STX8: variants seen among roughly 807,000 people sequenced by gnomAD.
STX8 encodes syntaxin 8.
STX8 carries 23 observed loss-of-function variants against 37.5 expected under a neutral mutation model. The ratio of observed to expected loss-of-function variants is 0.61; its 90% CI spans 0.44 to 0.87. STX8 has a LOEUF of 0.87. Among genes scored for constraint, STX8 ranks in the 40% least tolerant of loss-of-function variants. The probability of loss-of-function intolerance (pLI) is 0.00; values close to 1 mark genes in which losing one functional copy is unlikely to be tolerated. For synonymous variants in STX8, 115 were observed against 99.1 expected, an observed-to-expected ratio of 1.16 and a Z score of -0.95; for missense variants, 313 against 284.7, an observed-to-expected ratio of 1.10 and a Z score of -0.71.
chr17:9,347,882 CATATA>C (rs1228906259), intron 7 of STX8, among the ~76,000 whole-genome samples: 1 of 152,186 alleles, frequency 6.6e-6, no homozygotes, highest in East Asian at 1.9e-4. Context: ...TAAATTAAAT[CATATA>C]ATATATAGCT....
chr17:9,506,435 G>C (rs1483955484), intron 4 of STX8, among the ~76,000 whole-genome samples: 1 of 51,954 alleles, frequency 1.9e-5, no homozygotes, highest in African/African-American at 8.1e-5. Flanking sequence ...ACCTTTCTTA[G>C]GAAAGGACTA....
chr17:9,480,155 A>G (rs985195464), intron 6 of STX8, among the ~76,000 whole-genome samples: 2 of 152,178 alleles, frequency 1.3e-5, no homozygotes, highest in African/African-American at 4.8e-5. Context: ...GTATCTGTCC[A>G]GCAGCTGCCT....
intron 7 of STX8, among the ~76,000 whole-genome samples, chr17:9,314,736 G>A (rs1173791501): frequency 6.6e-6 from 1 of 151,204 alleles, no homozygotes; most frequent in Middle Eastern, 3.2e-3. Flanking sequence ...TATATACCCT[G>A]AGGAATATCC....
chr17:9,441,095 A>G (rs1904632126), intron 6 of STX8, among the ~76,000 whole-genome samples: 1 of 152,174 alleles, frequency 6.6e-6, no homozygotes, highest in South Asian at 2.1e-4. Context: ...AGAGGCGTGA[A>G]GATGTACTCA....
intron 6 of STX8, among the ~76,000 whole-genome samples, chr17:9,398,161 G>T (rs1272674769): frequency 1.3e-5 from 2 of 152,158 alleles, no homozygotes; most frequent in African/African-American, 4.8e-5. Context: ...TCAAAGAACA[G>T]TGTGGAAATG....
At chr17:9,362,522 A>T (rs1911091426) in intron 7 of STX8, among the ~76,000 whole-genome samples, 1 of 152,038 alleles carries the variant, frequency 6.6e-6, no homozygotes, top group South Asian at 2.1e-4. Flanking sequence ...ATCTTCCATT[A>T]AAAATTCTCT....
rs144093918 is a variant in STX8 at position 9,287,603 on chromosome 17, G to A, written c.644-36958C>T. On this transcript the variant is annotated intron_variant, in intron 7 of 7. Coordinates refer to ENST00000306357, the MANE Select transcript of STX8 (RefSeq NM_004853.3). ...CTACAGGGCTCCTCTCAGCAGTGAT[G>A]GACTAAACAAAGACAAAAGAAATGC... 3.7e-4 allele frequency among the ~76,000 whole-genome samples: 57 copies of A among 152,222 alleles called. No homozygotes were observed. In the East Asian group the frequency reaches 9.8e-3, roughly 26 times the overall value.
intron 3 of STX8, chr17:9,556,766 T>TATATATATATATACATAC (rs1906985208): frequency 9.3e-5 from 3 of 32,316 alleles, no homozygotes; most frequent in African/African-American, 4.5e-4. Context: ...TATATATATA[T>TATATATATATATACATAC]ATATATATAT....
At chr17:9,380,254 GTT>G (rs34806016) in intron 6 of STX8, among the ~76,000 whole-genome samples, 952 of 89,426 alleles carry the variant, frequency 0.011, 12 homozygotes, top group African/African-American at 0.041. Context: ...ATTTCTGTGT[GTT>G]TTTTTTTTTT....
chr17:9,268,298 AAGAGAG>A (rs1181249508), intron 7 of STX8, among the ~76,000 whole-genome samples: 2 of 151,424 alleles, frequency 1.3e-5, no homozygotes, highest in Non-Finnish European at 2.9e-5. Context: ...AAAAAAAAAA[AAGAGAG>A]AGAGAGAGAC....
At chr17:9,320,530 A>T (rs1362875870) in intron 7 of STX8, among the ~76,000 whole-genome samples, 3 of 152,094 alleles carry the variant, frequency 2.0e-5, no homozygotes, top group Non-Finnish European at 4.4e-5. Context: ...ATATTCATAT[A>T]CACATAATAA....
chr17:9,574,274 C>CAA (rs1174966132), intron 1 of STX8, among the ~76,000 whole-genome samples: 5 of 86,940 alleles, frequency 5.8e-5, no homozygotes, highest in African/African-American at 2.1e-4. Context: ...GACTCCGTCT[C>CAA]AAAAAAAAAA....
chr17:9,274,748 TTTC>T lies in STX8; in HGVS notation c.644-24106_644-24104del, dbSNP rs1185645448. Among the ~76,000 whole-genome samples the T allele has an allele frequency of 2.9e-4, 37 of 125,980 alleles. 8 individuals carry two copies. Among genetic ancestry groups the T allele is most frequent in the Non-Finnish European group, 6.0e-4 (34 of 56,594 alleles). The allele number at this position is 125,980 out of a possible 152,430, so 82.6% of individuals were successfully genotyped here. The stretch of plus-strand genomic sequence containing the variant: ...TCTTCAAAAATACAACAATTTCTTT[TTTC>T]TTTTTTTTTTTTTTTTTTGAGACGG... On this transcript the variant is annotated intron_variant, in intron 7 of 7. Coordinates refer to ENST00000306357, the MANE Select transcript of STX8 (RefSeq NM_004853.3).
At chr17:9,301,611 T>C (rs929830574) in intron 7 of STX8, among the ~76,000 whole-genome samples, 2 of 151,456 alleles carry the variant, frequency 1.3e-5, no homozygotes, top group Non-Finnish European at 2.9e-5. Context: ...GCCTCCCGAG[T>C]AGCTGGGACT....
chr17:9,551,891 TA>T (rs1297999723), intron 3 of STX8, among the ~76,000 whole-genome samples: 7 of 150,076 alleles, frequency 4.7e-5, no homozygotes, highest in Admixed American at 4.0e-4. Flanking sequence ...CCAAAAAAAC[TA>T]GGGGGGGGTG....
At chr17:9,527,339 G>A (rs538752553) in intron 4 of STX8, among the ~76,000 whole-genome samples, 2 of 152,132 alleles carry the variant, frequency 1.3e-5, no homozygotes, top group Admixed American at 6.5e-5. Context: ...AGCTACTTGA[G>A]AGGCTGAGTT....
At chr17:9,449,283 G>A (rs1002770767) in intron 6 of STX8, among the ~76,000 whole-genome samples, 4 of 152,090 alleles carry the variant, frequency 2.6e-5, no homozygotes, top group East Asian at 1.9e-4. Flanking sequence ...ACAAATTGCC[G>A]GGTGCGGTGG....
intron 7 of STX8, among the ~76,000 whole-genome samples, chr17:9,310,139 C>G (rs1909139156): frequency 6.9e-6 from 1 of 145,632 alleles, no homozygotes; most frequent in African/African-American, 2.8e-5. Flanking sequence ...ATTTTTCTGG[C>G]AAAAGGGGGA....
intron 7 of STX8, among the ~76,000 whole-genome samples, chr17:9,344,400 A>G (rs1335146803): frequency 6.6e-6 from 1 of 152,018 alleles, no homozygotes; most frequent in Non-Finnish European, 1.5e-5. Context: ...AGTTGGGATT[A>G]CAGGCGTCCG....
Sources: allele counts gnomAD v4.1 joint callset (sites outside exome capture counted in the v4.1 genomes callset), GRCh38; gene constraint gnomAD v4.1.1; transcripts MANE v1.5; gene names NCBI Gene and HGNC (gene_info 2026-07-23, HGNC 2026-07-21).